The following PRC1 variants were observed in gnomAD, a reference collection of about 807,000 sequenced individuals.
PRC1 encodes anaphase spindle elongation 1 homolog.
Under a neutral mutation model 91.2 loss-of-function variants are expected in PRC1, and 54 were observed. That is an observed-to-expected ratio of 0.59 (90% CI 0.48 to 0.74). The LOEUF is 0.74. Among genes scored for constraint, PRC1 ranks in the 30% least tolerant of loss-of-function variants. The pLI, the probability that PRC1 is intolerant of heterozygous loss-of-function variation, is 0.00. For synonymous variants in PRC1, 275 were observed against 263.6 expected, an observed-to-expected ratio of 1.04 and a Z score of -0.42; for missense variants, 727 against 746.2, an observed-to-expected ratio of 0.97 and a Z score of 0.30.
At chr15:90,973,747 C>T (rs2151464565) in intron 11 of PRC1, among the ~76,000 whole-genome samples, 1 of 152,186 alleles carries the variant, frequency 6.6e-6, no homozygotes, top group East Asian at 1.9e-4. Flanking sequence ...ATAAATCTGG[C>T]CTACGTGCAC....
chr15:90,985,197 G>T (rs1300540659), intron 1 of PRC1, among the ~76,000 whole-genome samples: 1 of 151,940 alleles, frequency 6.6e-6, no homozygotes. Context: ...AAAATGTTTG[G>T]CAATTTATTA....
rs1434252876 is a variant in PRC1 at position 90,984,227 on chromosome 15, T to C, written c.145-87A>G. 6 of 1,508,576 alleles carry C rather than the reference T, an allele frequency of 4.0e-6. No homozygotes were observed. The highest frequency in any genetic ancestry group is 2.3e-5 in the East Asian group (1 of 43,872). The allele number at this position is 1,508,576 out of a possible 1,614,324, so 93.4% of individuals were successfully genotyped here. ...ATACCAAACTCCTCAAATTTCTTTT[T>C]TCTTTTTCTTTTTTTCTTTGAGATG... On this transcript the variant is annotated intron_variant, in intron 2 of 14. Coordinates refer to ENST00000394249, the MANE Select transcript of PRC1 (RefSeq NM_003981.4). This position sits in a 1 kb window ranked among gnomAD's most constrained non-coding sequence, Gnocchi z 5.1.
intron 3 of PRC1, 93 bp downstream of exon 3, chr15:90,983,925 A>G: frequency 6.7e-7 from 1 of 1,498,520 alleles, no homozygotes; most frequent in Non-Finnish European, 9.1e-7. Flanking sequence ...CATCCCTACG[A>G]GGAAGCCTTC....
At chr15:90,980,517 T>A in intron 6 of PRC1, 128 bp from the exon 7 acceptor site, 4 of 695,068 alleles carry the variant, frequency 5.8e-6, no homozygotes, top group Non-Finnish European at 7.5e-6. Context: ...CAACACTTTT[T>A]TTTTTTTTTT....
At position 90,994,450 on chromosome 15, in the gene PRC1, C is replaced by G. The variant is rs1489104271; in HGVS notation, c.-33G>C. The G allele has an allele frequency of 6.2e-7, 1 of 1,607,638 alleles. No individual in the cohort carries two copies. The highest frequency in any genetic ancestry group is 8.5e-7 in the Non-Finnish European group (1 of 1,176,718). ...GCTCCAAGCAGCCGTGAGTCCAGGT[C>G]CAGACCTACTCCACACGGCCCCGAG... On this transcript the variant is annotated 5_prime_UTR_variant, in exon 1 of 15. Transcript: ENST00000394249.
chr15:90,991,922 G>T (rs1476072460), intron 1 of PRC1, among the ~76,000 whole-genome samples: 1 of 152,080 alleles, frequency 6.6e-6, no homozygotes, highest in East Asian at 1.9e-4. Flanking sequence ...AAAAGCCTCT[G>T]ACTTTCCAAA....
intron 11 of PRC1, among the ~76,000 whole-genome samples, chr15:90,971,169 T>G (rs1434122870): frequency 1.3e-5 from 2 of 152,080 alleles, no homozygotes; most frequent in African/African-American, 4.8e-5. Flanking sequence ...AGGAGGGAGG[T>G]AATACAAAGA....
chr15:90,976,775 T>A lies in PRC1; in HGVS notation c.1108-4A>T. Reference sequence around the variant, plus strand: ...GATTTGGATCTGAAGCTTTTCTCTGTGAAAAATACATTTTTAATTAGTGGA... The same window carrying A: ...GATTTGGATCTGAAGCTTTTCTCTGAGAAAAATACATTTTTAATTAGTGGA... On this transcript the variant is annotated splice_polypyrimidine_tract_variant and splice_region_variant and intron_variant, in intron 8 of 14. Transcript: ENST00000394249. 1 of 1,604,966 alleles carries A rather than the reference T, an allele frequency of 6.2e-7. No individual in the cohort carries two copies. Among genetic ancestry groups the A allele is most frequent in the South Asian group, 1.1e-5 (1 of 90,472 alleles).
intron 14 of PRC1, 169 bp from the exon 15 acceptor site, chr15:90,967,371 A>G: frequency 1.6e-6 from 1 of 619,092 alleles, no homozygotes; most frequent in South Asian, 1.9e-5. Flanking sequence ...TCTGAGCACC[A>G]TTCTATTAGT....
chr15:90,983,261 G>C (rs1233562542), intron 3 of PRC1, among the ~76,000 whole-genome samples: 4 of 152,118 alleles, frequency 2.6e-5, no homozygotes, highest in Non-Finnish European at 5.9e-5. Context: ...TAGATATCCA[G>C]GCAGGTCTTC....
intron 1 of PRC1, 117 bp downstream of exon 1, chr15:90,994,290 C>T (rs1050128451): frequency 6.7e-6 from 10 of 1,501,746 alleles, no homozygotes; most frequent in Non-Finnish European, 8.1e-6. Flanking sequence ...TCGGCGCCGA[C>T]TGCCGTGACG....
chr15:90,992,083 A>T (rs1016731845), intron 1 of PRC1, among the ~76,000 whole-genome samples: 1 of 152,010 alleles, frequency 6.6e-6, no homozygotes, highest in East Asian at 1.9e-4. Context: ...CTCTACCTAG[A>T]TCTCTTTTCC....
intron 14 of PRC1, 113 bp from the exon 15 acceptor site, chr15:90,967,315 A>AT: frequency 1.2e-6 from 1 of 825,710 alleles, no homozygotes; most frequent in Non-Finnish European, 2.0e-6. Context: ...TTTCTCTGAG[A>AT]TCCCTAGCCT....
chr15:90,968,466 G>A (rs1186369413), intron 14 of PRC1: 1 of 985,600 alleles, frequency 1.0e-6, no homozygotes, highest in Non-Finnish European at 1.2e-6. Flanking sequence ...ATTGAGAGAA[G>A]AAATCACAGA....
chr15:90,973,902 C>T (rs542376406), intron 11 of PRC1: 75 of 454,844 alleles, frequency 1.6e-4, no homozygotes, highest in African/African-American at 1.5e-3. Flanking sequence ...TCAATAAATA[C>T]TGAGGGAACT....
chr15:90,982,256 G>A (rs2039257114), intron 3 of PRC1, among the ~76,000 whole-genome samples: 1 of 152,192 alleles, frequency 6.6e-6, no homozygotes, highest in Non-Finnish European at 1.5e-5. Flanking sequence ...TACGTGTACA[G>A]TTCATTGGTA....
In PRC1 at chr15:90,994,501, C is replaced by G; in HGVS notation, c.-84G>C. ...AGCAACAACCACCCGCAAACACCGGCGATGTCACTCCGCGTAGCCGCTCCG... is the reference window on the plus strand; with the variant it reads ...AGCAACAACCACCCGCAAACACCGGGGATGTCACTCCGCGTAGCCGCTCCG... On this transcript the variant is annotated 5_prime_UTR_variant, in exon 1 of 15. Transcript: ENST00000394249. The G allele has an allele frequency of 2.6e-6, 4 of 1,516,096 alleles. No homozygotes were observed. The East Asian group carries it at 1.1e-4, about 41-fold the overall frequency. The allele number at this position is 1,516,096 out of a possible 1,614,324, so 93.9% of individuals were successfully genotyped here.
intron 1 of PRC1, among the ~76,000 whole-genome samples, chr15:90,989,665 A>C (rs2039841215): frequency 1.3e-5 from 2 of 151,998 alleles, no homozygotes; most frequent in African/African-American, 2.4e-5. Context: ...TACTTATAAT[A>C]GCCAAAAAGT....
At chr15:90,990,426 A>C (rs1396756650) in intron 1 of PRC1, among the ~76,000 whole-genome samples, 1 of 149,366 alleles carries the variant, frequency 6.7e-6, no homozygotes, top group African/African-American at 2.5e-5. Context: ...GAGTCTCTCT[A>C]TGTTGCCCAA....
Sources: gnomAD v4.1 joint callset for allele counts (sites outside exome capture counted in the v4.1 genomes callset) on GRCh38, gnomAD v4.1.1 for gene constraint, Gnocchi (gnomAD v3.1) non-coding constraint, MANE v1.5 for transcripts, NCBI Gene and HGNC (gene_info 2026-07-23, HGNC 2026-07-21) for gene names.